TRPM6: variants seen among roughly 807,000 people sequenced by gnomAD.
TRPM6 encodes transient receptor potential cation channel subfamily M member 6.
TRPM6 carries 111 observed loss-of-function variants against 247.6 expected under a neutral mutation model. The observed-to-expected ratio is 0.45, with a 90% CI of 0.38 to 0.52. The LOEUF is 0.52. Among genes scored for constraint, TRPM6 ranks in the 20% least tolerant of loss-of-function variants. TRPM6 has a pLI of 0.00. For missense variants in TRPM6, 2,126 were observed against 2,421.5 expected, an observed-to-expected ratio of 0.88 and a Z score of 2.56; for synonymous variants, 892 against 853.8, an observed-to-expected ratio of 1.04 and a Z score of -0.78.
intron 38 of TRPM6, 152 bp downstream of exon 38, chr9:74,728,087 A>C: frequency 1.4e-6 from 1 of 721,940 alleles, no homozygotes; most frequent in South Asian, 1.5e-5. Context: ...CCCTTTAGAG[A>C]CTTGAAAATT....
intron 27 of TRPM6, among the ~76,000 whole-genome samples, chr9:74,757,888 A>T (rs1359301033): frequency 6.6e-6 from 1 of 152,126 alleles, no homozygotes; most frequent in Non-Finnish European, 1.5e-5. Flanking sequence ...ACTCCAGCCT[A>T]GGCGACAGAG....
intron 3 of TRPM6, among the ~76,000 whole-genome samples, chr9:74,846,649 C>G (rs1339536557): frequency 6.6e-6 from 1 of 151,984 alleles, no homozygotes; most frequent in African/African-American, 2.4e-5. Flanking sequence ...TGGATTCAAG[C>G]AATTCTCCTG....
Position 74,763,132 on chromosome 9 carries a change from A to G in TRPM6, c.3539T>C (p.Val1180Ala), listed in dbSNP as rs1195641835. Residue 1180 changes from valine to alanine, a missense_variant and splice_region_variant, in exon 26 of 39, where the codon GTT becomes GCT. Transcript: ENST00000360774. ...TTTCAGCTGGAAGTACATCTCTGTA[A>G]CCCTAGTGGTGAAGGAAGGGAGAAA... ...EERIRVTSER[V>A]TEMYFQLKEM... is the part of the protein sequence containing the mutation. 1.9e-6 allele frequency: 3 copies of G among 1,609,172 alleles called. No homozygotes were observed. Among genetic ancestry groups the G allele is most frequent in the African/African-American group, 2.7e-5 (2 of 74,904 alleles).
chr9:74,793,940 G>C (rs531671554), intron 18 of TRPM6, among the ~76,000 whole-genome samples: 19 of 152,278 alleles, frequency 1.2e-4, no homozygotes, highest in African/African-American at 4.3e-4. Flanking sequence ...GGAGTTGCCT[G>C]AATGTGACTA....
At chr9:74,752,065 T>A (rs571303624) in intron 29 of TRPM6, among the ~76,000 whole-genome samples, 198 of 152,248 alleles carry the variant, frequency 1.3e-3, no homozygotes, top group Middle Eastern at 3.4e-3. Flanking sequence ...ATAGGTAAAT[T>A]GCATAAAGAA....
At chr9:74,732,544 G>GC in intron 37 of TRPM6, 141 bp downstream of exon 37, 1 of 569,800 alleles carries the variant, frequency 1.8e-6, no homozygotes, top group Non-Finnish European at 3.1e-6. Context: ...TAATCTTATT[G>GC]TTTTTGGTCT....
At chr9:74,769,528 G>C (rs373735472) in intron 25 of TRPM6, among the ~76,000 whole-genome samples, 5 of 152,064 alleles carry the variant, frequency 3.3e-5, no homozygotes, top group African/African-American at 1.2e-4. Context: ...GGAGGTCGAG[G>C]GGGGCGGATC....
intron 5 of TRPM6, among the ~76,000 whole-genome samples, chr9:74,838,942 T>A (rs1294054803): frequency 6.6e-6 from 1 of 151,872 alleles, no homozygotes; most frequent in Admixed American, 6.6e-5. Context: ...AAACCCTGTC[T>A]CTACTAAAAA....
intron 27 of TRPM6, 84 bp downstream of exon 27, chr9:74,761,612 C>G (rs1430330511): frequency 9.4e-6 from 8 of 852,536 alleles, no homozygotes; most frequent in Non-Finnish European, 1.6e-5. Flanking sequence ...GTAGATGGCA[C>G]TTTACAGTAA....
chr9:74,857,003 G>C (rs961805273), intron 2 of TRPM6, among the ~76,000 whole-genome samples: 2 of 152,150 alleles, frequency 1.3e-5, no homozygotes, highest in Non-Finnish European at 2.9e-5. Flanking sequence ...CTATGGGCTA[G>C]TAAAAGACTC....
chr9:74,791,292 G>A (rs1461639805), intron 19 of TRPM6, among the ~76,000 whole-genome samples: 1 of 152,144 alleles, frequency 6.6e-6, no homozygotes, highest in Non-Finnish European at 1.5e-5. Flanking sequence ...TATTCAATAA[G>A]TATAGGAAAT....
chr9:74,846,828 C>T (rs1197181320), intron 3 of TRPM6, among the ~76,000 whole-genome samples: 1 of 152,148 alleles, frequency 6.6e-6, no homozygotes, highest in Non-Finnish European at 1.5e-5. Flanking sequence ...GGATTACAGT[C>T]GTGAGCCACT....
rs1184021155 is a variant in TRPM6 at position 74,812,025 on chromosome 9, ATG to A, written c.1443+272_1443+273del. On this transcript the variant is annotated intron_variant, in intron 12 of 38. Coordinates refer to ENST00000360774, the MANE Select transcript of TRPM6 (RefSeq NM_017662.5). ...ATGTTAGCCATGTAGGTCATGATAA[ATG>A]ATTGCATTTGTAGCCATTTTGGTGC... Among the ~76,000 whole-genome samples the A allele has an allele frequency of 2.0e-5, 3 of 152,220 alleles. No homozygotes were observed. The East Asian group carries it at 5.8e-4, about 29-fold the overall frequency.
intron 24 of TRPM6, among the ~76,000 whole-genome samples, chr9:74,775,077 T>A (rs1446111462): frequency 1.3e-5 from 2 of 152,214 alleles, no homozygotes; most frequent in African/African-American, 4.8e-5. Context: ...CCAAACGCAA[T>A]GTTCTCTGAC....
intron 23 of TRPM6, among the ~76,000 whole-genome samples, chr9:74,781,799 T>G (rs905972527): frequency 5.3e-5 from 8 of 152,164 alleles, no homozygotes; most frequent in African/African-American, 1.9e-4. Context: ...ATTTTGATGT[T>G]GTTACATTGT....
intron 8 of TRPM6, among the ~76,000 whole-genome samples, chr9:74,821,124 A>G (rs1829116226): frequency 6.6e-6 from 1 of 152,242 alleles, no homozygotes. Context: ...ACTTATTTAT[A>G]CAGTAGAAAT....
At chr9:74,841,595 C>A (rs1386236360) in intron 4 of TRPM6, among the ~76,000 whole-genome samples, 3 of 152,066 alleles carry the variant, frequency 2.0e-5, no homozygotes. Flanking sequence ...ACCTCTGCCT[C>A]CCAGGTTCAA....
chr9:74,817,755 C>T (rs1042319861), intron 9 of TRPM6, among the ~76,000 whole-genome samples: 3 of 151,966 alleles, frequency 2.0e-5, no homozygotes, highest in Non-Finnish European at 4.4e-5. Context: ...GGGGGAGTCA[C>T]CTGTTATTAA....
At position 74,826,297 on chromosome 9, in the gene TRPM6, G is replaced by A. The variant is rs536674611; in HGVS notation, c.841+1481C>T. Reference sequence around the variant, plus strand: ...AAGGTCACAGGCACAAAATGACAGCGCTTCAATCTGTCTGACCTCACTACA... The same window carrying A: ...AAGGTCACAGGCACAAAATGACAGCACTTCAATCTGTCTGACCTCACTACA... On this transcript the variant is annotated intron_variant, in intron 7 of 38. Transcript: ENST00000360774. 3.5e-4 allele frequency among the ~76,000 whole-genome samples: 53 copies of A among 152,292 alleles called. 1 individual carries two copies. The highest frequency in any genetic ancestry group is 1.2e-3 in the African/African-American group (48 of 41,572).
Sources: allele counts gnomAD v4.1 joint callset (sites outside exome capture counted in the v4.1 genomes callset), GRCh38; gene constraint gnomAD v4.1.1; transcripts MANE v1.5; gene names NCBI Gene and HGNC (gene_info 2026-07-23, HGNC 2026-07-21).